Variants in NOMO2 observed in about 807,000 individuals in gnomAD.
The protein encoded by NOMO2 is BOS complex subunit NOMO2.
In NOMO2, 14 loss-of-function variants were observed where a neutral mutation model predicts 67.1. The ratio of observed to expected loss-of-function variants is 0.21; its 90% CI spans 0.14 to 0.33. The LOEUF is 0.33. Among genes scored for constraint, NOMO2 ranks in the 10% least tolerant of loss-of-function variants. The pLI, the probability that NOMO2 is intolerant of heterozygous loss-of-function variation, is 1.00. For missense variants in NOMO2, 178 were observed against 761.0 expected (o/e 0.23, Z 9.01); for synonymous variants, 80 against 305.9 (o/e 0.26, Z 7.71).
chr16:18,529,590 C>A lies in NOMO2; in HGVS notation c.1717G>T (p.Val573Leu). 6.2e-7 allele frequency: 1 copy of A among 1,605,390 alleles called. No homozygotes were observed. The highest frequency in any genetic ancestry group is 8.5e-7 in the Non-Finnish European group (1 of 1,175,868). ...GACACGTCATCCTCCAGCACTTCCA[C>A]CTCCAGGCTCTTGTTCTTCCAGCAC... ...DWCWKNKSLE[V>L]EVLEDDVSAV... Residue 573 changes from valine to leucine, a missense_variant, in exon 15 of 31, where the codon GTG (valine) becomes TTG (leucine). Physicochemically the swap from Val to Leu is conservative, Grantham distance 32. Coordinates refer to ENST00000622306, the MANE Select transcript of NOMO2 (RefSeq NM_173614.4).
chr16:18,551,900 G>A (rs980302542), intron 3 of NOMO2, among the ~76,000 whole-genome samples: 4 of 151,908 alleles, frequency 2.6e-5, no homozygotes, highest in Non-Finnish European at 5.9e-5. Context: ...CAGGCACTGA[G>A]CTGAGTGCCT....
intron 5 of NOMO2, among the ~76,000 whole-genome samples, chr16:18,547,689 A>C (rs1264112785): frequency 1.3e-5 from 2 of 151,828 alleles, no homozygotes; most frequent in East Asian, 3.9e-4. Context: ...CCAAGGAAAC[A>C]CATGGGAAGG....
At chr16:18,554,048 G>A (rs111757813) in intron 3 of NOMO2, among the ~76,000 whole-genome samples, 1 of 151,148 alleles carries the variant, frequency 6.6e-6, no homozygotes, top group Non-Finnish European at 1.5e-5. Flanking sequence ...CTTCAAAAAT[G>A]TAAACTACAT....
chr16:18,556,705 G>T (rs1596862743), intron 2 of NOMO2, among the ~76,000 whole-genome samples: 1 of 152,114 alleles, frequency 6.6e-6, no homozygotes, highest in East Asian at 1.9e-4. Context: ...ATTGTATAGA[G>T]GTGTTTGTGG....
At chr16:18,557,900 A>G (rs1901947478) in intron 1 of NOMO2, 109 bp from the exon 2 acceptor site, 3 of 1,591,942 alleles carry the variant, frequency 1.9e-6, no homozygotes, top group Non-Finnish European at 1.7e-6. Flanking sequence ...AGGACCTACT[A>G]TATACCAGCT....
intron 16 of NOMO2, among the ~76,000 whole-genome samples, chr16:18,526,971 C>T (rs1901159945): frequency 6.6e-6 from 1 of 151,306 alleles, no homozygotes; most frequent in Non-Finnish European, 1.5e-5. Flanking sequence ...AATCCCAGCA[C>T]TTTGGGAGGC....
intron 8 of NOMO2, 52 bp downstream of exon 8, chr16:18,542,538 TTTAC>T: frequency 1.2e-6 from 1 of 822,658 alleles, no homozygotes; most frequent in Non-Finnish European, 2.0e-6. Context: ...AGCATTGGCT[TTTAC>T]TGTGTCATGA....
At chr16:18,520,488 T>C (rs1425401762) in intron 20 of NOMO2, 109 bp downstream of exon 20, 1 of 654,628 alleles carries the variant, frequency 1.5e-6, no homozygotes, top group East Asian at 2.7e-5. Flanking sequence ...GGATGTAAGG[T>C]GGCTTACAAA....
chr16:18,557,719 T>C lies in NOMO2; in HGVS notation c.238A>G (p.Ile80Val), dbSNP rs200530489. 1.9e-6 allele frequency: 3 copies of C among 1,610,614 alleles called. No individual in the cohort carries two copies. Among genetic ancestry groups the C allele is most frequent in the Non-Finnish European group, 1.7e-6 (2 of 1,178,824 alleles). The part of the protein sequence containing the change: ...DCAPNNGYFM[I>V]PLYDKGDFIL... Reference sequence around the variant, plus strand: ...CCTCTTACCTTATCATACAAAGGGATCATAAAGTAACCATTATTAGGGGCA... The same window carrying C: ...CCTCTTACCTTATCATACAAAGGGACCATAAAGTAACCATTATTAGGGGCA... Residue 80 changes from isoleucine (I) to valine (V), a missense_variant, in exon 2 of 31, where the codon ATC becomes GTC. Coordinates refer to ENST00000622306, the MANE Select transcript of NOMO2 (RefSeq NM_173614.4).
chr16:18,561,358 G>C lies in NOMO2; in HGVS notation c.165+518C>G, dbSNP rs572771621. Among the ~76,000 whole-genome samples, 680 of 151,222 alleles carry C rather than the reference G, an allele frequency of 4.5e-3. 10 individuals are homozygous for C. Among genetic ancestry groups the C allele is most frequent in the African/African-American group, 0.016 (655 of 41,050 alleles). ...TTGCCAATACTGATCTACTAGGTCA[G>C]AATCTATGGGATGGGAATTGATGCT... On this transcript the variant is annotated intron_variant, in intron 1 of 30. Transcript: ENST00000622306.
chr16:18,541,228 T>A, intron 9 of NOMO2, among the ~76,000 whole-genome samples: 1 of 105,004 alleles, frequency 9.5e-6, no homozygotes, highest in East Asian at 2.6e-4. Flanking sequence ...CCAGCCACCC[T>A]GGCCTCCTTG....
intron 9 of NOMO2, among the ~76,000 whole-genome samples, chr16:18,539,911 G>C (rs1053274725): frequency 2.0e-4 from 30 of 152,006 alleles, no homozygotes; most frequent in African/African-American, 7.2e-4. Flanking sequence ...TTCCAGCCCT[G>C]ATCTGTGTAT....
rs1257613808 is a variant in NOMO2, at chr16:18,520,511, A to G, written c.2356+86T>C. 3 of 684,442 alleles carry G rather than the reference A, an allele frequency of 4.4e-6. No homozygotes were observed. In the South Asian group the frequency reaches 5.7e-5, roughly 13 times the overall value. The allele number at this position is 684,442 out of a possible 1,614,324, so 42.4% of individuals were successfully genotyped here. On this transcript the variant is annotated intron_variant, in intron 20 of 30. Transcript: ENST00000622306. ...GGTGGCTTACAAAGATGGCTTCACT[A>G]TAACATCACAAATCTACTTGTAAAT... is the stretch of plus-strand genomic sequence containing the variant.
intron 15 of NOMO2, among the ~76,000 whole-genome samples, chr16:18,528,262 CAAAA>C (rs1185348575): frequency 1.5e-5 from 1 of 67,172 alleles, no homozygotes; most frequent in Admixed American, 1.7e-4. Context: ...AAGGAAGTGT[CAAAA>C]AAAAAAAAAA....
chr16:18,557,882 A>G, intron 1 of NOMO2, 91 bp from the exon 2 acceptor site: 2 of 1,593,918 alleles, frequency 1.3e-6, no homozygotes, highest in Non-Finnish European at 1.7e-6. Flanking sequence ...GTCAGTATAC[A>G]TTCACTGAGG....
intron 1 of NOMO2, chr16:18,558,770 G>C (rs953407088): frequency 1.8e-5 from 8 of 449,616 alleles, no homozygotes; most frequent in African/African-American, 1.6e-4. Context: ...GGGCAAGCTC[G>C]TGTTCGGTTT....
At chr16:18,531,189 G>A in intron 13 of NOMO2, 21 bp from the exon 14 acceptor site, 1 of 660,144 alleles carries the variant, frequency 1.5e-6, no homozygotes, top group Non-Finnish European at 2.6e-6. Flanking sequence ...AAGAAGGGAG[G>A]GCTCCATGTG....
intron 11 of NOMO2, among the ~76,000 whole-genome samples, chr16:18,535,768 A>C (rs528919743): frequency 2.0e-5 from 3 of 151,744 alleles, no homozygotes; most frequent in Non-Finnish European, 4.4e-5. Context: ...TTAAAGTACC[A>C]TGATCCCTAT....
intron 9 of NOMO2, among the ~76,000 whole-genome samples, chr16:18,539,808 T>G (rs1393083151): frequency 2.6e-5 from 4 of 152,004 alleles, no homozygotes; most frequent in Admixed American, 2.6e-4. Flanking sequence ...GGCTCACACG[T>G]GGTCCCATGC....
Sources: gnomAD v4.1 joint callset for allele counts (sites outside exome capture counted in the v4.1 genomes callset) on GRCh38, gnomAD v4.1.1 for gene constraint, MANE v1.5 for transcripts, NCBI Gene and HGNC (gene_info 2026-07-23, HGNC 2026-07-21) for gene names.